Variants in ARFGEF1 observed in about 807,000 individuals in gnomAD.
The protein encoded by ARFGEF1 is brefeldin A-inhibited guanine nucleotide-exchange protein 1.
In ARFGEF1, 42 loss-of-function variants were observed where a neutral mutation model predicts 231.0. The observed-to-expected ratio is 0.18, with a 90% CI of 0.14 to 0.24. The LOEUF (loss-of-function observed/expected upper bound fraction) is 0.24. Ranked by LOEUF, ARFGEF1 falls within the 10% of genes least tolerant of loss-of-function variation. ARFGEF1 has a pLI of 1.00. For missense variants in ARFGEF1, 1,345 were observed against 2,192.0 expected (o/e 0.61, Z 7.72); for synonymous variants, 710 against 732.3 (o/e 0.97, Z 0.49).
At chr8:67,333,097 G>T (rs561828828) in intron 1 of ARFGEF1, among the ~76,000 whole-genome samples, 10 of 149,884 alleles carry the variant, frequency 6.7e-5, no homozygotes, top group Admixed American at 1.3e-4. Flanking sequence ...GTGCAGTGGC[G>T]CAATCTCAGC....
chr8:67,208,315 C>G (rs997419733), intron 34 of ARFGEF1, among the ~76,000 whole-genome samples: 3 of 152,032 alleles, frequency 2.0e-5, no homozygotes, highest in African/African-American at 4.8e-5. Context: ...GATCAACGAC[C>G]TAAATCAAAG....
At chr8:67,321,995 A>G (rs1456961392) in intron 1 of ARFGEF1, among the ~76,000 whole-genome samples, 1 of 152,102 alleles carries the variant, frequency 6.6e-6, no homozygotes, top group African/African-American at 2.4e-5. Flanking sequence ...CTTGCATTCC[A>G]CACTCCAATT....
intron 1 of ARFGEF1, among the ~76,000 whole-genome samples, chr8:67,309,823 A>G (rs1208383563): frequency 1.3e-5 from 2 of 152,186 alleles, no homozygotes; most frequent in Non-Finnish European, 2.9e-5. Context: ...GCAAACCACT[A>G]TCCTGGATCC....
intron 9 of ARFGEF1, among the ~76,000 whole-genome samples, 199 bp downstream of exon 9, chr8:67,275,777 T>C (rs909874126): frequency 6.6e-5 from 10 of 152,116 alleles, no homozygotes; most frequent in Admixed American, 6.5e-5. Flanking sequence ...CTTTAGGAAA[T>C]AGTGTAAGTT....
At chr8:67,227,909 T>C (rs1174716813) in intron 25 of ARFGEF1, 54 bp downstream of exon 25, 1 of 1,407,192 alleles carries the variant, frequency 7.1e-7, no homozygotes, top group South Asian at 1.6e-5. Context: ...ACAAGGACAT[T>C]CTAAACAAAA....
At chr8:67,323,423 T>C (rs1013467397) in intron 1 of ARFGEF1, among the ~76,000 whole-genome samples, 3 of 152,222 alleles carry the variant, frequency 2.0e-5, no homozygotes, top group Admixed American at 1.3e-4. Flanking sequence ...ATCTCTCCCC[T>C]AGGCTTGTGT....
rs556034588 is a variant in ARFGEF1 at position 67,198,266 on chromosome 8, G to C, written c.*668C>G. On this transcript the variant is annotated 3_prime_UTR_variant, in exon 39 of 39. Transcript: ENST00000262215. ...CTAAAAATCCCTATAAAATAAAAAA[G>C]AAAGTTCCACCCAAATGTTTAGTGC... 5 of 985,390 alleles carry C rather than the reference G, an allele frequency of 5.1e-6. No individual in the cohort carries two copies. The highest frequency in any genetic ancestry group is 6.0e-6 in the Non-Finnish European group (5 of 829,808). 61.0% of individuals were successfully genotyped at this position (985,390 alleles called of 1,614,324 possible).
downstream of ARFGEF1, among the ~76,000 whole-genome samples, chr8:67,194,792 A>G (rs1277962656): frequency 6.6e-6 from 1 of 152,156 alleles, no homozygotes; most frequent in African/African-American, 2.4e-5. Flanking sequence ...GTTGCGTACA[A>G]TCAATCAGAT....
At chr8:67,226,901 A>C (rs941268698) in intron 27 of ARFGEF1, among the ~76,000 whole-genome samples, 1 of 152,110 alleles carries the variant, frequency 6.6e-6, no homozygotes, top group Non-Finnish European at 1.5e-5. Flanking sequence ...ATAATGTTTA[A>C]CTGTGAAGAT....
intron 1 of ARFGEF1, among the ~76,000 whole-genome samples, chr8:67,330,640 T>C (rs923670719): frequency 6.6e-6 from 1 of 152,220 alleles, no homozygotes; most frequent in African/African-American, 2.4e-5. Context: ...GTGTATACTA[T>C]AAAATCTTAA....
chr8:67,206,656 AAG>A (rs1350844728), intron 34 of ARFGEF1, among the ~76,000 whole-genome samples: 1 of 152,188 alleles, frequency 6.6e-6, no homozygotes, highest in East Asian at 1.9e-4. Context: ...GCAGCAGCGC[AAG>A]GTTAGAAAAG....
intron 6 of ARFGEF1, among the ~76,000 whole-genome samples, chr8:67,289,479 G>A (rs2128908317): frequency 6.7e-6 from 1 of 149,894 alleles, no homozygotes; most frequent in East Asian, 2.0e-4. Flanking sequence ...GCTTGCGCCT[G>A]GGAGGCAGGC....
chr8:67,285,563 T>C (rs1022670182), intron 7 of ARFGEF1, among the ~76,000 whole-genome samples: 42 of 151,858 alleles, frequency 2.8e-4, no homozygotes, highest in African/African-American at 1.0e-3. Flanking sequence ...TTTCATATCA[T>C]CTCCAAGTAT....
At chr8:67,200,539 T>A in intron 37 of ARFGEF1, 26 bp from the exon 38 acceptor site, 1 of 1,420,548 alleles carries the variant, frequency 7.0e-7, no homozygotes, top group Non-Finnish European at 9.9e-7. Context: ...TTTCCTTTAA[T>A]GTTACTTGCG....
chr8:67,272,997 C>G (rs892802397), intron 9 of ARFGEF1, among the ~76,000 whole-genome samples: 1 of 151,936 alleles, frequency 6.6e-6, no homozygotes, highest in African/African-American at 2.4e-5. Context: ...ACCCCAGCTA[C>G]TCGGGAGGCT....
At chr8:67,321,636 A>AT (rs1407566486) in intron 1 of ARFGEF1, among the ~76,000 whole-genome samples, 1 of 149,740 alleles carries the variant, frequency 6.7e-6, no homozygotes, top group Non-Finnish European at 1.5e-5. Context: ...ATTTTTTTTT[A>AT]TTTTTAATAG....
chr8:67,326,555 G>A (rs1056455488), intron 1 of ARFGEF1, among the ~76,000 whole-genome samples: 4 of 152,170 alleles, frequency 2.6e-5, no homozygotes, highest in African/African-American at 9.7e-5. Context: ...GCTAAGGCTT[G>A]TGTTTTAGAA....
intron 19 of ARFGEF1, among the ~76,000 whole-genome samples, chr8:67,246,026 A>G (rs767931106): frequency 3.3e-5 from 5 of 150,534 alleles, no homozygotes; most frequent in Non-Finnish European, 5.9e-5. Context: ...AAAGAGGTCA[A>G]TTCAGCAAGA....
intron 5 of ARFGEF1, among the ~76,000 whole-genome samples, chr8:67,191,421 C>CA (rs1456942298): frequency 1.3e-5 from 2 of 152,238 alleles, no homozygotes; most frequent in East Asian, 3.8e-4. Flanking sequence ...ATTATATGTA[C>CA]AGCATTACCA....
Sources: allele counts gnomAD v4.1 joint callset (sites outside exome capture counted in the v4.1 genomes callset), GRCh38; gene constraint gnomAD v4.1.1; transcripts MANE v1.5; gene names NCBI Gene and HGNC (gene_info 2026-07-23, HGNC 2026-07-21).